DROSHA: variants seen among roughly 807,000 people sequenced by gnomAD.
DROSHA encodes the protein drosha ribonuclease III, also known as ribonuclease 3.
Under a neutral mutation model 181.9 loss-of-function variants are expected in DROSHA, and 56 were observed. The observed-to-expected ratio is 0.31, with a 90% CI of 0.25 to 0.38. The LOEUF (loss-of-function observed/expected upper bound fraction) is 0.38, where lower values mean the gene tolerates loss of function less well. Ranked by LOEUF, DROSHA falls within the 10% of genes least tolerant of loss-of-function variation. The pLI, the probability that DROSHA is intolerant of heterozygous loss-of-function variation, is 1.00. For missense variants in DROSHA, 1,218 were observed against 1,743.5 expected, an observed-to-expected ratio of 0.70 and a Z score of 5.37; for synonymous variants, 524 against 591.2, an observed-to-expected ratio of 0.89 and a Z score of 1.65.
chr5:31,488,476 G>A (rs1752044148), intron 13 of DROSHA, among the ~76,000 whole-genome samples: 1 of 151,672 alleles, frequency 6.6e-6, no homozygotes. Context: ...AAAAGTTGAG[G>A]CAGAGCAGGT....
At chr5:31,521,362 A>C in intron 5 of DROSHA, 147 bp from the exon 6 acceptor site, 1 of 745,436 alleles carries the variant, frequency 1.3e-6, no homozygotes. Context: ...ATGCCTTCTT[A>C]ATTTATTAGA....
At chr5:31,403,792 C>T (rs1740330993) in intron 35 of DROSHA, among the ~76,000 whole-genome samples, 1 of 152,208 alleles carries the variant, frequency 6.6e-6, no homozygotes, top group South Asian at 2.1e-4. Context: ...GTCTAAAATG[C>T]CTACTATCCG....
intron 12 of DROSHA, among the ~76,000 whole-genome samples, chr5:31,493,937 T>TGTGTGTGTGTGTGTGTG (rs1554041127): frequency 8.3e-5 from 12 of 144,822 alleles, no homozygotes; most frequent in South Asian, 6.8e-4. Flanking sequence ...TAACCCACCA[T>TGTGTGTGTGTGTGTGTG]TGTGTGTGTG....
At chr5:31,522,408 C>T (rs531448302) in intron 5 of DROSHA, among the ~76,000 whole-genome samples, 10 of 152,000 alleles carry the variant, frequency 6.6e-5, no homozygotes, top group East Asian at 3.9e-4. Flanking sequence ...AAAATAATTG[C>T]GTACATTTCC....
intron 28 of DROSHA, 118 bp downstream of exon 28, chr5:31,424,309 G>C: frequency 7.7e-7 from 1 of 1,302,576 alleles, no homozygotes; most frequent in Non-Finnish European, 1.1e-6. Context: ...CAGCTTAAAG[G>C]CACAATGCCA....
intron 25 of DROSHA, among the ~76,000 whole-genome samples, chr5:31,435,263 G>A (rs894514183): frequency 2.0e-5 from 3 of 152,124 alleles, no homozygotes; most frequent in South Asian, 4.1e-4. Flanking sequence ...TGAGGCTAGG[G>A]GAACAGCCTA....
chr5:31,496,098 C>G (rs765884341), intron 11 of DROSHA, among the ~76,000 whole-genome samples: 6 of 152,154 alleles, frequency 3.9e-5, no homozygotes, highest in Non-Finnish European at 7.4e-5. Context: ...ACTTCGGAGA[C>G]CAAGAGAGCT....
intron 11 of DROSHA, among the ~76,000 whole-genome samples, chr5:31,497,800 A>G (rs1033918900): frequency 1.3e-5 from 2 of 152,266 alleles, no homozygotes; most frequent in South Asian, 4.1e-4. Flanking sequence ...CTCTTTCAGG[A>G]GGGACTTCTC....
At chr5:31,471,075 A>G (rs1466055738) in intron 17 of DROSHA, among the ~76,000 whole-genome samples, 1 of 152,232 alleles carries the variant, frequency 6.6e-6, no homozygotes, top group Non-Finnish European at 1.5e-5. Flanking sequence ...TTATGTTTAA[A>G]CATATTTTTA....
intron 8 of DROSHA, among the ~76,000 whole-genome samples, chr5:31,511,933 A>G (rs540984877): frequency 1.9e-4 from 28 of 148,886 alleles, no homozygotes; most frequent in South Asian, 1.5e-3. Context: ...ACACACACGC[A>G]CACACACACA....
rs553663475 is a variant in DROSHA at position 31,507,119 on chromosome 5, A to G, written c.1587+1502T>C. On this transcript the variant is annotated intron_variant, in intron 10 of 35. Transcript: ENST00000344624. ...TGCTTGAGCCTAGGAGTTTGAGACC[A>G]GCCTGGGCAACATAGCGAGACCTCA... Among the ~76,000 whole-genome samples, 23 of 152,210 alleles carry G rather than the reference A, an allele frequency of 1.5e-4. No individual in the cohort carries two copies. The South Asian group carries it at 4.6e-3, about 30-fold the overall frequency.
intron 13 of DROSHA, among the ~76,000 whole-genome samples, chr5:31,492,001 C>T (rs1580283376): frequency 1.3e-5 from 2 of 152,122 alleles, no homozygotes; most frequent in East Asian, 3.9e-4. Context: ...GCCATGTTGG[C>T]CAAGCTGGTC....
At chr5:31,404,344 T>C (rs941991224) in intron 35 of DROSHA, among the ~76,000 whole-genome samples, 1 of 152,178 alleles carries the variant, frequency 6.6e-6, no homozygotes, top group Non-Finnish European at 1.5e-5. Context: ...AAGTTCCTAA[T>C]AGCCAGCTTA....
chr5:31,449,975 CA>C (rs1211158172), intron 21 of DROSHA, among the ~76,000 whole-genome samples: 3 of 151,788 alleles, frequency 2.0e-5, no homozygotes, highest in Non-Finnish European at 4.4e-5. Flanking sequence ...AAAATAATAA[CA>C]ATAATAATCC....
At chr5:31,485,784 C>CCCTCCACA (rs1751668014) in intron 14 of DROSHA, among the ~76,000 whole-genome samples, 1 of 152,140 alleles carries the variant, frequency 6.6e-6, no homozygotes, top group South Asian at 2.1e-4. Context: ...ATCAATTTCC[C>CCCTCCACA]CCTCCACACT....
intron 20 of DROSHA, 135 bp downstream of exon 20, chr5:31,464,101 T>A: frequency 2.6e-6 from 2 of 754,984 alleles, no homozygotes; most frequent in South Asian, 3.8e-5. Flanking sequence ...TAGAAAACAA[T>A]TTATAGTTGA....
intron 23 of DROSHA, among the ~76,000 whole-genome samples, chr5:31,439,641 G>GTTTTTCC (rs764256912): frequency 1.6e-4 from 25 of 152,066 alleles, no homozygotes; most frequent in Admixed American, 3.3e-4. Context: ...TTCATAATAG[G>GTTTTTCC]TACGTATGTG....
intron 13 of DROSHA, among the ~76,000 whole-genome samples, chr5:31,492,776 T>C (rs1752564953): frequency 6.6e-6 from 1 of 152,248 alleles, no homozygotes; most frequent in African/African-American, 2.4e-5. Context: ...TTCCTGGGAT[T>C]CAAAAGCAGA....
chr5:31,490,295 C>A (rs573366810), intron 13 of DROSHA, among the ~76,000 whole-genome samples: 1 of 152,018 alleles, frequency 6.6e-6, no homozygotes, highest in African/African-American at 2.4e-5. Flanking sequence ...GATCCTCCCG[C>A]ATTAGCTTCC....
Sources: gnomAD v4.1 joint callset for allele counts (sites outside exome capture counted in the v4.1 genomes callset) on GRCh38, gnomAD v4.1.1 for gene constraint, MANE v1.5 for transcripts, NCBI Gene and HGNC (gene_info 2026-07-23, HGNC 2026-07-21) for gene names.